TTLL1: variants seen among roughly 807,000 people sequenced by gnomAD.
The protein encoded by TTLL1 is TTL family tubulin polyglutamylase complex subunit L1.
In TTLL1, 33 loss-of-function variants were observed where a neutral mutation model predicts 47.8. The observed-to-expected ratio is 0.69, with a 90% CI of 0.52 to 0.92. TTLL1 has a LOEUF of 0.92. Among genes scored for constraint, TTLL1 ranks in the 40% least tolerant of loss-of-function variants. The probability of loss-of-function intolerance (pLI) is 0.00; values close to 1 mark genes in which losing one functional copy is unlikely to be tolerated. For synonymous variants in TTLL1, 225 were observed against 214.1 expected (o/e 1.05, Z -0.45); for missense variants, 488 against 547.5 (o/e 0.89, Z 1.08).
chr22:43,067,866 C>T (rs1393036794), intron 5 of TTLL1, among the ~76,000 whole-genome samples: 2 of 151,828 alleles, frequency 1.3e-5, no homozygotes, highest in East Asian at 2.0e-4. Flanking sequence ...GTGCATGGCG[C>T]GATCTCAGCT....
intron 1 of TTLL1, among the ~76,000 whole-genome samples, chr22:43,085,800 C>T (rs373113083): frequency 3.3e-5 from 5 of 152,180 alleles, no homozygotes; most frequent in South Asian, 2.1e-4. Context: ...ACAGCCTACA[C>T]GCTTCCCTCC....
intron 1 of TTLL1, among the ~76,000 whole-genome samples, chr22:43,082,074 A>T (rs1928932662): frequency 6.9e-6 from 1 of 145,370 alleles, no homozygotes; most frequent in South Asian, 2.2e-4. Flanking sequence ...CTAGTCTCAA[A>T]CTCCTGACCT....
At chr22:43,087,383 G>A (rs374071028) in intron 1 of TTLL1, among the ~76,000 whole-genome samples, 5 of 151,794 alleles carry the variant, frequency 3.3e-5, no homozygotes, top group East Asian at 3.9e-4. Flanking sequence ...AATTAGCTGC[G>A]CGTGGTGGTG....
intron 1 of TTLL1, among the ~76,000 whole-genome samples, chr22:43,081,588 C>T (rs5751428): frequency 0.35 from 53,362 of 151,878 alleles, 11,322 homozygotes; most frequent in Non-Finnish European, 0.47. Flanking sequence ...CTCGCTCAGT[C>T]GCCCAGGCTG....
intron 1 of TTLL1, among the ~76,000 whole-genome samples, chr22:43,085,456 G>A (rs1001716461): frequency 2.0e-5 from 3 of 152,204 alleles, no homozygotes; most frequent in Admixed American, 6.6e-5. Flanking sequence ...GCAGGGCAAG[G>A]TGGAGATAAA....
At chr22:43,086,464 C>G (rs1389008065) in intron 1 of TTLL1, among the ~76,000 whole-genome samples, 1 of 152,074 alleles carries the variant, frequency 6.6e-6, no homozygotes, top group Non-Finnish European at 1.5e-5. Context: ...CCATGAACAC[C>G]CTGGATATCA....
chr22:43,057,428 CTG>C (rs1927092374), intron 8 of TTLL1, among the ~76,000 whole-genome samples: 1 of 152,082 alleles, frequency 6.6e-6, no homozygotes, highest in South Asian at 2.1e-4. Context: ...ACATTTCTGA[CTG>C]TGGAGGGAAG....
At chr22:43,057,855 C>T (rs1025119345) in intron 8 of TTLL1, among the ~76,000 whole-genome samples, 8 of 151,884 alleles carry the variant, frequency 5.3e-5, no homozygotes, top group Admixed American at 2.6e-4. Context: ...TTCCCAGCTC[C>T]GGGGCCTGGG....
At chr22:43,043,089 C>T (rs1287389797) in intron 10 of TTLL1, among the ~76,000 whole-genome samples, 1 of 151,874 alleles carries the variant, frequency 6.6e-6, no homozygotes, top group East Asian at 1.9e-4. Flanking sequence ...TACAGGTGCC[C>T]ACCACCACGC....
At chr22:43,059,576 G>A (rs1927266828) in intron 7 of TTLL1, 49 bp from the exon 8 acceptor site, 1 of 1,549,960 alleles carries the variant, frequency 6.5e-7, no homozygotes, top group Non-Finnish European at 8.7e-7. Context: ...GCACCCCAGA[G>A]GAACCCAGCG....
At chr22:43,078,971 C>T (rs879770585) in intron 2 of TTLL1, among the ~76,000 whole-genome samples, 6 of 107,062 alleles carry the variant, frequency 5.6e-5, no homozygotes, top group African/African-American at 1.9e-4. Context: ...GAGCCCATCC[C>T]ACACCCCTCA....
At chr22:43,089,144 A>T (rs1472103818) in intron 1 of TTLL1, 133 bp downstream of exon 1, 1 of 152,260 alleles carries the variant, frequency 6.6e-6, no homozygotes, top group African/African-American at 2.4e-5. Flanking sequence ...TCCGGCAAGC[A>T]GCATCTGAAC....
Position 43,044,811 on chromosome 22 carries a change from G to A in TTLL1, c.1142+1599C>T, listed in dbSNP as rs1230885465. ...ATTACGTTATACACCCTTTTCTGCA[G>A]TGAGTTTTTCCCAGGCAACCTCCCA... On this transcript the variant is annotated intron_variant, in intron 10 of 10. Transcript: ENST00000266254. Among the ~76,000 whole-genome samples the A allele has an allele frequency of 3.3e-5, 5 of 151,888 alleles. No individual in the cohort carries two copies. The South Asian group carries it at 6.2e-4, about 19-fold the overall frequency.
intron 3 of TTLL1, among the ~76,000 whole-genome samples, chr22:43,072,603 C>T (rs959356118): frequency 1.3e-5 from 2 of 152,100 alleles, no homozygotes; most frequent in African/African-American, 4.8e-5. Context: ...TCTCAAGTAG[C>T]TGGGGCTACA....
chr22:43,053,961 C>G (rs1178550464), intron 8 of TTLL1, among the ~76,000 whole-genome samples: 2 of 152,206 alleles, frequency 1.3e-5, no homozygotes, highest in African/African-American at 4.8e-5. Context: ...AGAATTCACA[C>G]AGTCACGTGT....
chr22:43,057,280 A>T (rs1227197065), intron 8 of TTLL1, among the ~76,000 whole-genome samples: 37 of 1,834 alleles, frequency 0.02, no homozygotes, highest in East Asian at 0.25. Flanking sequence ...AATTAAATTA[A>T]AAAAAAAAAA....
intron 2 of TTLL1, among the ~76,000 whole-genome samples, chr22:43,079,342 G>A (rs1165366312): frequency 6.8e-6 from 1 of 148,000 alleles, no homozygotes; most frequent in African/African-American, 2.5e-5. Flanking sequence ...CACCCCAGGT[G>A]TGAGCCCATC....
intron 2 of TTLL1, among the ~76,000 whole-genome samples, chr22:43,078,037 G>A (rs1355945919): frequency 6.6e-6 from 1 of 151,816 alleles, no homozygotes; most frequent in Non-Finnish European, 1.5e-5. Flanking sequence ...GAATCTGGGA[G>A]GTCAAGCTGC....
chr22:43,089,247 G>C (rs530263864), intron 1 of TTLL1, 30 bp downstream of exon 1: 2 of 152,552 alleles, frequency 1.3e-5, no homozygotes, highest in South Asian at 4.1e-4. Context: ...CGGTGCCCGG[G>C]AGGCGGCGGC....
Sources: gnomAD v4.1 joint callset for allele counts (sites outside exome capture counted in the v4.1 genomes callset) on GRCh38, gnomAD v4.1.1 for gene constraint, MANE v1.5 for transcripts, NCBI Gene and HGNC (gene_info 2026-07-23, HGNC 2026-07-21) for gene names.